NEDD4L: variants seen among roughly 807,000 people sequenced by gnomAD.
NEDD4L encodes the protein E3 ubiquitin-protein ligase NEDD4-like.
A neutral mutation model predicts 148.9 loss-of-function variants in NEDD4L; 54 were observed. The observed-to-expected ratio is 0.36, with a 90% confidence interval of 0.29 to 0.45. The LOEUF (loss-of-function observed/expected upper bound fraction) is 0.45. Ranked by LOEUF, NEDD4L falls within the 20% of genes least tolerant of loss-of-function variation. NEDD4L has a pLI of 1.00. For missense variants in NEDD4L, 856 were observed against 1,233.8 expected (o/e 0.69, Z 4.59); for synonymous variants, 433 against 440.7 (o/e 0.98, Z 0.22).
At chr18:58,330,557 G>A (rs1195535975) in intron 10 of NEDD4L, among the ~76,000 whole-genome samples, 181 bp from the exon 11 acceptor site, 1 of 152,208 alleles carries the variant, frequency 6.6e-6, no homozygotes, top group African/African-American at 2.4e-5. Flanking sequence ...TTCCTCATCT[G>A]TTAATTGGGG....
At chr18:58,187,707 C>T (rs928413345) in intron 2 of NEDD4L, among the ~76,000 whole-genome samples, 10 of 152,012 alleles carry the variant, frequency 6.6e-5, no homozygotes, top group African/African-American at 1.9e-4. Flanking sequence ...TATTCAAAGA[C>T]GATTAAATGC....
In NEDD4L at chr18:58,398,428, GT is replaced by G. The variant is rs2050634991; in HGVS notation, c.*2160del. The G allele has an allele frequency of 6.6e-6, 1 of 151,954 alleles. No homozygotes were observed. Among genetic ancestry groups the G allele is most frequent in the East Asian group, 1.9e-4 (1 of 5,194 alleles). 9.4% of individuals were successfully genotyped at this position (151,954 alleles called of 1,614,324 possible). A position where few individuals can be genotyped will look rare whatever the true frequency, so the allele number is the denominator to read the frequency against. On this transcript the variant is annotated 3_prime_UTR_variant, in exon 31 of 31. Coordinates refer to ENST00000400345, the MANE Select transcript of NEDD4L (RefSeq NM_001144967.3). ...CTAACCTAAGAACTGGGATTCTTCT[GT>G]CATCTTGTAAACCGTATATTGAAAA...
At chr18:58,204,384 A>G (rs2041767195) in intron 2 of NEDD4L, among the ~76,000 whole-genome samples, 1 of 152,226 alleles carries the variant, frequency 6.6e-6, no homozygotes, top group African/African-American at 2.4e-5. Flanking sequence ...TTGTAGGCAC[A>G]AATATATTTA....
At chr18:58,232,365 C>T (rs892421272) in intron 2 of NEDD4L, among the ~76,000 whole-genome samples, 5 of 152,136 alleles carry the variant, frequency 3.3e-5, no homozygotes, top group African/African-American at 9.7e-5. Flanking sequence ...ATAATGTGTC[C>T]TTTTTGGATG....
Position 58,366,957 on chromosome 18 carries a change from C to T in NEDD4L, c.2063+729C>T, listed in dbSNP as rs2046189610. Among the ~76,000 whole-genome samples the T allele has an allele frequency of 6.6e-6, 1 of 152,218 alleles. No individual in the cohort carries two copies. The highest frequency in any genetic ancestry group is 1.5e-5 in the Non-Finnish European group (1 of 68,038). ...TCCTGGGGGCTCATTTGGAAGGCCGCCTCAGTACATTCTTCCTGGTTGCTC... is the reference window on the plus strand; with the variant it reads ...TCCTGGGGGCTCATTTGGAAGGCCGTCTCAGTACATTCTTCCTGGTTGCTC... On this transcript the variant is annotated intron_variant, in intron 21 of 30. Transcript: ENST00000400345. This position sits in a 1 kb window ranked among gnomAD's most constrained non-coding sequence, Gnocchi z 4.2.
At chr18:58,171,756 A>G (rs1037170363) in intron 2 of NEDD4L, among the ~76,000 whole-genome samples, 7 of 152,140 alleles carry the variant, frequency 4.6e-5, no homozygotes, top group African/African-American at 7.2e-5. Flanking sequence ...CCAAGCATCT[A>G]GGAGAGGTGC....
In NEDD4L at chr18:58,112,901, C is replaced by T. The variant is rs995174798; in HGVS notation, c.49-52887C>T. The stretch of plus-strand genomic sequence containing the variant: ...GTATTAGGAGGTGGGGCCTTTGGGA[C>T]GTGATTAGGTCCTGAGGGTAGAGCC... On this transcript the variant is annotated intron_variant, in intron 1 of 30. Coordinates refer to ENST00000400345, the MANE Select transcript of NEDD4L (RefSeq NM_001144967.3). Among the ~76,000 whole-genome samples, 21 of 152,244 alleles carry T rather than the reference C, an allele frequency of 1.4e-4. No individual in the cohort carries two copies. In the East Asian group the frequency reaches 1.5e-3, roughly 11 times the overall value.
chr18:58,111,901 C>T (rs1019928548), intron 1 of NEDD4L, among the ~76,000 whole-genome samples: 1 of 152,196 alleles, frequency 6.6e-6, no homozygotes, highest in African/African-American at 2.4e-5. Flanking sequence ...GACATTCCCC[C>T]CCAGCAGTGT....
chr18:58,159,353 G>C (rs2035911631), intron 1 of NEDD4L, among the ~76,000 whole-genome samples: 1 of 152,136 alleles, frequency 6.6e-6, no homozygotes, highest in South Asian at 2.1e-4. Context: ...CAAACTCAAG[G>C]AGTGTACAAC....
chr18:58,377,050 A>G (rs2047662238), intron 24 of NEDD4L, among the ~76,000 whole-genome samples: 1 of 152,082 alleles, frequency 6.6e-6, no homozygotes, highest in Non-Finnish European at 1.5e-5. Flanking sequence ...TTGTCTGAGT[A>G]TGTTTGTGTT....
chr18:58,095,815 G>A (rs1439953291), intron 1 of NEDD4L, among the ~76,000 whole-genome samples: 1 of 152,148 alleles, frequency 6.6e-6, no homozygotes, highest in Non-Finnish European at 1.5e-5. Flanking sequence ...GTGATCTAGA[G>A]CAAGCTTGTG....
chr18:58,278,092 T>G (rs2052422445), intron 5 of NEDD4L, among the ~76,000 whole-genome samples: 1 of 152,222 alleles, frequency 6.6e-6, no homozygotes, highest in Non-Finnish European at 1.5e-5. Flanking sequence ...TTCCTTCTTT[T>G]TTACAATTAA....
In NEDD4L at chr18:58,272,465, G is replaced by A. The variant is rs2051186206; in HGVS notation, c.297+20411G>A. 2.0e-5 allele frequency among the ~76,000 whole-genome samples: 3 copies of A among 151,914 alleles called. No individual in the cohort carries two copies. In the South Asian group the frequency reaches 6.2e-4, roughly 32 times the overall value. On this transcript the variant is annotated intron_variant, in intron 5 of 30. Coordinates refer to ENST00000400345, the MANE Select transcript of NEDD4L (RefSeq NM_001144967.3). The stretch of plus-strand genomic sequence containing the variant: ...AGTCTGGGCAACATGGCAAAACCTT[G>A]TCTCTCCAAAAAAATGCACAAATTG...
chr18:58,166,243 G>T (rs1348740386), intron 2 of NEDD4L, among the ~76,000 whole-genome samples: 1 of 152,210 alleles, frequency 6.6e-6, no homozygotes, highest in Non-Finnish European at 1.5e-5. Context: ...AGGAGAACTG[G>T]ATATTCTGGA....
intron 1 of NEDD4L, among the ~76,000 whole-genome samples, chr18:58,114,799 C>T (rs996007082): frequency 6.6e-6 from 1 of 152,204 alleles, no homozygotes. Flanking sequence ...CATCTAGCAG[C>T]CTCAGCTCAT....
intron 2 of NEDD4L, among the ~76,000 whole-genome samples, chr18:58,174,759 A>G (rs1282864448): frequency 6.6e-6 from 1 of 152,114 alleles, no homozygotes; most frequent in Non-Finnish European, 1.5e-5. Flanking sequence ...GGGCAGTCTC[A>G]TCCCTCCACT....
At chr18:58,329,377 G>T (rs2059600074) in intron 10 of NEDD4L, among the ~76,000 whole-genome samples, 1 of 151,980 alleles carries the variant, frequency 6.6e-6, no homozygotes, top group Non-Finnish European at 1.5e-5. Context: ...TTTTTTTGAA[G>T]ACAGTGTCTT....
At chr18:58,299,849 A>G (rs140465109) in intron 5 of NEDD4L, among the ~76,000 whole-genome samples, 187 of 152,290 alleles carry the variant, frequency 1.2e-3, no homozygotes, top group African/African-American at 4.3e-3. Context: ...GTAAGGCTCA[A>G]ATTTATGATT....
At chr18:58,319,843 A>G (rs919115574) in intron 6 of NEDD4L, among the ~76,000 whole-genome samples, 1 of 152,216 alleles carries the variant, frequency 6.6e-6, no homozygotes, top group Non-Finnish European at 1.5e-5. Context: ...GCCAATGAAC[A>G]TGGCTAGTGT....
Sources: gnomAD v4.1 joint callset for allele counts (sites outside exome capture counted in the v4.1 genomes callset) on GRCh38, gnomAD v4.1.1 for gene constraint, Gnocchi (gnomAD v3.1) non-coding constraint, MANE v1.5 for transcripts, NCBI Gene and HGNC (gene_info 2026-07-23, HGNC 2026-07-21) for gene names.